PIK3R3: variants seen among roughly 807,000 people sequenced by gnomAD.
The protein encoded by PIK3R3 is phosphoinositide-3-kinase regulatory subunit 3, also known as phosphatidylinositol 3-kinase regulatory subunit gamma.
PIK3R3 carries 64 observed loss-of-function variants against 62.9 expected under a neutral mutation model. The ratio of observed to expected loss-of-function variants is 1.02; its 90% CI spans 0.83 to 1.25. PIK3R3 has a LOEUF of 1.25. Among genes scored for constraint, PIK3R3 ranks in the 50% most tolerant of loss-of-function variants. The pLI, the probability that PIK3R3 is intolerant of heterozygous loss-of-function variation, is 0.00. For synonymous variants in PIK3R3, 165 were observed against 189.0 expected (o/e 0.87, Z 1.04); for missense variants, 614 against 561.6 (o/e 1.09, Z -0.94).
chr1:46,135,219 A>G (rs890873684), upstream of PIK3R3, among the ~76,000 whole-genome samples: 6 of 152,222 alleles, frequency 3.9e-5, no homozygotes, highest in African/African-American at 1.2e-4. Context: ...GTCCTGGACC[A>G]CTTCCAAGTT....
At position 46,066,593 on chromosome 1, in the gene PIK3R3, G is replaced by A. The variant is rs370190702; in HGVS notation, c.495+318C>T. ...CCAACACTTTGGGTGGTCAAAGTGA[G>A]ATGACTGCTTGAGCCCAGGAGTTCA... On this transcript the variant is annotated intron_variant, in intron 4 of 9. Transcript: ENST00000262741. Among the ~76,000 whole-genome samples the A allele has an allele frequency of 1.1e-4, 17 of 152,278 alleles. No individual in the cohort carries two copies. The South Asian group carries it at 1.2e-3, about 11-fold the overall frequency.
chr1:46,132,212 A>G lies in PIK3R3; in HGVS notation c.-260T>C. 4.9e-6 allele frequency: 6 copies of G among 1,220,372 alleles called. No individual in the cohort carries two copies. The highest frequency in any genetic ancestry group is 2.1e-5 in the South Asian group (1 of 48,302). 75.6% of individuals were successfully genotyped at this position (1,220,372 alleles called of 1,614,324 possible). On this transcript the variant is annotated 5_prime_UTR_variant, in exon 1 of 10. Coordinates refer to ENST00000262741, the MANE Select transcript of PIK3R3 (RefSeq NM_003629.4). The stretch of plus-strand genomic sequence containing the variant: ...GATTACACAGAGGCTTGGGGGACGG[A>G]GAGCAGAGGTGTTAAAAAGCGGCTT...
rs1407110859 is a variant in PIK3R3 at position 46,065,590 on chromosome 1, A to C, written c.621+464T>G. On this transcript the variant is annotated intron_variant, in intron 5 of 9. Coordinates refer to ENST00000262741, the MANE Select transcript of PIK3R3 (RefSeq NM_003629.4). ...TAGCCAGTGGGATAAAAGTGAAAGC[A>C]GAGTGTGCTCCTTCTAGGAAGTTGT... Among the ~76,000 whole-genome samples the C allele has an allele frequency of 1.3e-5, 2 of 152,238 alleles. 1 individual carries two copies.
intron 6 of PIK3R3, 121 bp downstream of exon 6, chr1:46,061,808 A>G: frequency 1.2e-6 from 1 of 859,976 alleles, no homozygotes; most frequent in East Asian, 2.5e-5. Context: ...TGGAAACAGC[A>G]AGTGGTTCCA....
At chr1:46,130,825 A>C (rs1655517442) in intron 1 of PIK3R3, among the ~76,000 whole-genome samples, 1 of 152,256 alleles carries the variant, frequency 6.6e-6, no homozygotes, top group South Asian at 2.1e-4. Context: ...ACTTATTCAG[A>C]ATCATTACAT....
At chr1:46,126,954 C>T (rs1310010121) in intron 1 of PIK3R3, among the ~76,000 whole-genome samples, 2 of 151,976 alleles carry the variant, frequency 1.3e-5, no homozygotes, top group Non-Finnish European at 2.9e-5. Context: ...AATTGAGAAC[C>T]ACTTTTCTAG....
Position 46,055,820 on chromosome 1 carries a change from G to GT in PIK3R3, c.915_916insA (p.Arg306ThrfsTer28). On this transcript the variant is annotated frameshift_variant, in exon 7 of 10. Transcript: ENST00000262741. LOFTEE classifies it high-confidence loss of function. ...ACAAGGTGTTGATCTCGGATCTTTCGCAGCTGGATCAGGTCAGGTTTGATG... is the reference window on the plus strand; with the variant it reads ...ACAAGGTGTTGATCTCGGATCTTTCGTCAGCTGGATCAGGTCAGGTTTGATG... The GT allele has an allele frequency of 1.4e-6, 2 of 1,476,294 alleles. No individual in the cohort carries two copies. The highest frequency in any genetic ancestry group is 1.8e-6 in the Non-Finnish European group (2 of 1,114,020). 91.4% of individuals were successfully genotyped at this position (1,476,294 alleles called of 1,614,324 possible). A position where few individuals can be genotyped will look rare whatever the true frequency, so the allele number is the denominator to read the frequency against.
At chr1:46,110,199 C>A (rs577170579) in intron 1 of PIK3R3, among the ~76,000 whole-genome samples, 1 of 151,690 alleles carries the variant, frequency 6.6e-6, no homozygotes, top group Non-Finnish European at 1.5e-5. Context: ...GCAACCTCTA[C>A]CTCGCAGGTT....
intron 1 of PIK3R3, among the ~76,000 whole-genome samples, chr1:46,107,487 G>A (rs1450649969): frequency 2.0e-5 from 3 of 151,952 alleles, no homozygotes; most frequent in Non-Finnish European, 4.4e-5. Context: ...ACCAGGAAGC[G>A]GAGGTTACAG....
At chr1:46,138,080 A>C in the PIK3R3 span, among the ~76,000 whole-genome samples, 1 of 152,210 alleles carries the variant, frequency 6.6e-6, no homozygotes, top group Admixed American at 6.5e-5. Flanking sequence ...AATTCCAAGC[A>C]GTTTGTAGGA....
intron 1 of PIK3R3, among the ~76,000 whole-genome samples, chr1:46,082,922 T>C (rs1164505880): frequency 1.3e-5 from 2 of 151,906 alleles, no homozygotes; most frequent in Non-Finnish European, 2.9e-5. Context: ...CTACTAAAAA[T>C]ACAAATATTA....
intron 1 of PIK3R3, among the ~76,000 whole-genome samples, chr1:46,104,790 G>C (rs1035559059): frequency 6.6e-6 from 1 of 151,830 alleles, no homozygotes; most frequent in Admixed American, 6.6e-5. Context: ...AAATTAGCTG[G>C]GCATGGTGGC....
intron 7 of PIK3R3, among the ~76,000 whole-genome samples, chr1:46,047,761 T>C (rs931602349): frequency 1.1e-4 from 16 of 144,846 alleles, no homozygotes; most frequent in African/African-American, 3.2e-4. Flanking sequence ...CATTATTTTA[T>C]ATTTTTGTTT....
At chr1:46,058,366 C>G (rs116479355) in intron 6 of PIK3R3, among the ~76,000 whole-genome samples, 2 of 152,212 alleles carry the variant, frequency 1.3e-5, no homozygotes, top group Non-Finnish European at 2.9e-5. Context: ...TACTGGGGCA[C>G]CGCCTAGTGG....
At chr1:46,047,448 AAAAG>A (rs58791009) in intron 7 of PIK3R3, among the ~76,000 whole-genome samples, 45 of 141,816 alleles carry the variant, frequency 3.2e-4, no homozygotes, top group Middle Eastern at 7.0e-3. Flanking sequence ...AAAAAAAAAA[AAAAG>A]AAAGAAAGAA....
At chr1:46,057,835 A>G (rs1317179377) in intron 6 of PIK3R3, among the ~76,000 whole-genome samples, 1 of 151,994 alleles carries the variant, frequency 6.6e-6, no homozygotes, top group Non-Finnish European at 1.5e-5. Flanking sequence ...GCAGCCTGAC[A>G]ATGCAATAGA....
intron 7 of PIK3R3, among the ~76,000 whole-genome samples, chr1:46,049,879 G>A (rs1647215870): frequency 6.6e-6 from 1 of 152,150 alleles, no homozygotes; most frequent in African/African-American, 2.4e-5. Context: ...CAGCACTTTG[G>A]GAGGCCAAGG....
intron 1 of PIK3R3, among the ~76,000 whole-genome samples, chr1:46,114,299 A>G (rs1167777822): frequency 6.6e-6 from 1 of 152,192 alleles, no homozygotes; most frequent in Non-Finnish European, 1.5e-5. Context: ...TACCTAAATA[A>G]GAGGGAAGAG....
At chr1:46,153,128 A>T in the PIK3R3 span, among the ~76,000 whole-genome samples, 4 of 152,216 alleles carry the variant, frequency 2.6e-5, no homozygotes, top group African/African-American at 9.6e-5. Context: ...GGTAATGATG[A>T]GTCCATGGAA....
Sources: gnomAD v4.1 joint callset for allele counts (sites outside exome capture counted in the v4.1 genomes callset) on GRCh38, gnomAD v4.1.1 for gene constraint, MANE v1.5 for transcripts, NCBI Gene and HGNC (gene_info 2026-07-23, HGNC 2026-07-21) for gene names.